HPSE2: variants seen among roughly 807,000 people sequenced by gnomAD.
HPSE2 encodes the protein inactive heparanase-2.
A neutral mutation model predicts 60.5 loss-of-function variants in HPSE2; 38 were observed. The ratio of observed to expected loss-of-function variants is 0.63; its 90% CI spans 0.48 to 0.82. The LOEUF (loss-of-function observed/expected upper bound fraction) is 0.82. Ranked by LOEUF, HPSE2 falls within the 40% of genes least tolerant of loss-of-function variation. The pLI is 0.00. For missense variants in HPSE2, 713 were observed against 740.4 expected (o/e 0.96, Z 0.43); for synonymous variants, 295 against 293.2 (o/e 1.01, Z -0.06).
chr10:98,670,918 A>G (rs1947490092), intron 6 of HPSE2, among the ~76,000 whole-genome samples: 2 of 152,204 alleles, frequency 1.3e-5, no homozygotes, highest in African/African-American at 4.8e-5. Context: ...TAGCTTGCCA[A>G]TGCTCCCAGC....
chr10:99,113,361 T>C (rs912376227), intron 3 of HPSE2, among the ~76,000 whole-genome samples: 15 of 152,326 alleles, frequency 9.8e-5, no homozygotes, highest in African/African-American at 3.4e-4. Flanking sequence ...CATTCTTCTA[T>C]GTTGCTTTTA....
chr10:99,154,500 C>A (rs2135810784), intron 2 of HPSE2, among the ~76,000 whole-genome samples: 1 of 136,210 alleles, frequency 7.3e-6, no homozygotes, highest in East Asian at 2.2e-4. Flanking sequence ...TCCAGCCAAA[C>A]TAAGCTTCAT....
At position 98,803,797 on chromosome 10, in the gene HPSE2, C is replaced by T. The variant is rs1455611018; in HGVS notation, c.611-59741G>A. On this transcript the variant is annotated intron_variant, in intron 3 of 11. Transcript: ENST00000370552. ...TTCTTTTGGCTTAGGATTGACTTGG[C>T]GATGCGGGCTCTTTTTTGGTTCCAT... is the stretch of plus-strand genomic sequence containing the variant. 3.1e-4 allele frequency among the ~76,000 whole-genome samples: 47 copies of T among 150,970 alleles called. No homozygotes were observed. In the South Asian group the frequency reaches 6.7e-3, roughly 22 times the overall value.
intron 3 of HPSE2, among the ~76,000 whole-genome samples, chr10:99,021,851 A>C (rs1957270930): frequency 6.6e-6 from 1 of 151,324 alleles, no homozygotes; most frequent in African/African-American, 2.4e-5. Flanking sequence ...CAACACCTTC[A>C]TGAGAACCAA....
rs181416546 is a variant in HPSE2, at chr10:99,030,128, C to T, written c.610+114110G>A. 2.8e-3 allele frequency among the ~76,000 whole-genome samples: 433 copies of T among 152,192 alleles called. 1 individual carries two copies. Among genetic ancestry groups the T allele is most frequent in the African/African-American group, 9.8e-3 (406 of 41,532 alleles). On this transcript the variant is annotated intron_variant, in intron 3 of 11. Coordinates refer to ENST00000370552, the MANE Select transcript of HPSE2 (RefSeq NM_021828.5). Reference sequence around the variant, plus strand: ...TTTTTCCTAGGTTATGATTATAGAGCGAGGATTATTATAATATTGGGATAA... The same window carrying T: ...TTTTTCCTAGGTTATGATTATAGAGTGAGGATTATTATAATATTGGGATAA...
intron 3 of HPSE2, among the ~76,000 whole-genome samples, chr10:98,937,298 G>A (rs1458395750): frequency 6.9e-6 from 1 of 144,692 alleles, no homozygotes; most frequent in African/African-American, 2.8e-5. Context: ...CCTCACTCAG[G>A]AAGTGCAAGG....
At chr10:98,964,737 C>T (rs1328793622) in intron 3 of HPSE2, among the ~76,000 whole-genome samples, 2 of 152,110 alleles carry the variant, frequency 1.3e-5, no homozygotes, top group East Asian at 3.9e-4. Flanking sequence ...CTGTCAAGAC[C>T]TGACTTATCT....
intron 2 of HPSE2, among the ~76,000 whole-genome samples, chr10:99,204,851 A>C (rs1848690688): frequency 6.6e-6 from 1 of 152,236 alleles, no homozygotes; most frequent in Admixed American, 6.5e-5. Flanking sequence ...ATAGTAGTCT[A>C]TGTTATTTAC....
intron 7 of HPSE2, among the ~76,000 whole-genome samples, chr10:98,624,603 A>G (rs1028353135): frequency 6.6e-6 from 1 of 152,206 alleles, no homozygotes; most frequent in Non-Finnish European, 1.5e-5. Context: ...TCATATATAC[A>G]TAATGAAACT....
chr10:99,113,305 G>A (rs1844546227), intron 3 of HPSE2, among the ~76,000 whole-genome samples: 1 of 152,166 alleles, frequency 6.6e-6, no homozygotes, highest in African/African-American at 2.4e-5. Context: ...GGTAAATACA[G>A]AATCCAAACC....
rs560684157 is a variant in HPSE2 at position 98,938,822 on chromosome 10, G to A, written c.611-194766C>T. ...GTTGAAATGAAGGAAAAAATGTTAAGGGCAGACAGAGAGAAAGGTCAGGTT... is the reference window on the plus strand; with the variant it reads ...GTTGAAATGAAGGAAAAAATGTTAAAGGCAGACAGAGAGAAAGGTCAGGTT... On this transcript the variant is annotated intron_variant, in intron 3 of 11. Transcript: ENST00000370552. 1.4e-5 allele frequency among the ~76,000 whole-genome samples: 2 copies of A among 143,976 alleles called. 1 individual carries two copies. Among genetic ancestry groups the A allele is most frequent in the Admixed American group, 1.4e-4 (2 of 14,480 alleles). 94.5% of individuals were successfully genotyped at this position (143,976 alleles called of 152,430 possible).
At chr10:98,957,086 A>G (rs1955528846) in intron 3 of HPSE2, among the ~76,000 whole-genome samples, 1 of 152,214 alleles carries the variant, frequency 6.6e-6, no homozygotes, top group African/African-American at 2.4e-5. Context: ...CATGTTCTGC[A>G]GCAAAGTCTT....
chr10:98,935,194 T>A lies in HPSE2; in HGVS notation c.611-191138A>T, dbSNP rs193242430. ...AGTTAACAGCTCCTGTAATCTTTTA[T>A]CATGGTTCTTAGCTTCTTTGCATTG... On this transcript the variant is annotated intron_variant, in intron 3 of 11. Coordinates refer to ENST00000370552, the MANE Select transcript of HPSE2 (RefSeq NM_021828.5). Among the ~76,000 whole-genome samples, 35 of 142,836 alleles carry A rather than the reference T, an allele frequency of 2.5e-4. 3 individuals are homozygous for A. In the East Asian group the frequency reaches 3.4e-3, roughly 14 times the overall value. 93.7% of individuals were successfully genotyped at this position (142,836 alleles called of 152,430 possible).
intron 3 of HPSE2, among the ~76,000 whole-genome samples, chr10:99,062,427 T>C (rs931568284): frequency 3.3e-5 from 5 of 152,206 alleles, no homozygotes; most frequent in African/African-American, 1.2e-4. Flanking sequence ...ATTCTTCCAG[T>C]CATTCTTCTT....
chr10:98,955,079 C>T (rs1201058672), intron 3 of HPSE2, among the ~76,000 whole-genome samples: 1 of 151,008 alleles, frequency 6.6e-6, no homozygotes, highest in East Asian at 1.9e-4. Flanking sequence ...CACTGGTCAG[C>T]CATGGAACAG....
intron 9 of HPSE2, among the ~76,000 whole-genome samples, chr10:98,573,835 A>G (rs1485884751): frequency 2.0e-5 from 3 of 152,196 alleles, no homozygotes; most frequent in Admixed American, 2.0e-4. Context: ...AGTCCTAATG[A>G]AGCATACCTA....
chr10:99,286,637 T>C, the HPSE2 span, among the ~76,000 whole-genome samples: 2 of 152,178 alleles, frequency 1.3e-5, no homozygotes, highest in East Asian at 3.8e-4. Context: ...ATTGTGAATA[T>C]AATGACATTG....
chr10:98,482,249 A>G (rs1289024497), intron 11 of HPSE2, among the ~76,000 whole-genome samples: 2 of 152,154 alleles, frequency 1.3e-5, no homozygotes, highest in East Asian at 3.9e-4. Context: ...GCTGTGAGGG[A>G]CATGGTTCTC....
chr10:99,113,029 C>A lies in HPSE2; in HGVS notation c.610+31209G>T, dbSNP rs115609349. Among the ~76,000 whole-genome samples the A allele has an allele frequency of 7.4e-3, 1,120 of 152,290 alleles. 11 individuals carry two copies. Among genetic ancestry groups the A allele is most frequent in the African/African-American group, 0.026 (1,076 of 41,548 alleles). On this transcript the variant is annotated intron_variant, in intron 3 of 11. Coordinates refer to ENST00000370552, the MANE Select transcript of HPSE2 (RefSeq NM_021828.5). ...AACTTAAGGACTTACTTCTTTTGGA[C>A]TCCATTTAGCTCATTTTCACTTTGC...
Sources: allele counts gnomAD v4.1 joint callset (sites outside exome capture counted in the v4.1 genomes callset), GRCh38; gene constraint gnomAD v4.1.1; transcripts MANE v1.5; gene names NCBI Gene and HGNC (gene_info 2026-07-23, HGNC 2026-07-21).